Variants in IRAK1BP1 observed in about 807,000 individuals in gnomAD.
The protein encoded by IRAK1BP1 is interleukin-1 receptor-associated kinase 1-binding protein 1.
In IRAK1BP1, 24 loss-of-function variants were observed where a neutral mutation model predicts 28.0. The observed-to-expected ratio is 0.86, with a 90% confidence interval of 0.62 to 1.20. The LOEUF (loss-of-function observed/expected upper bound fraction) is 1.20. IRAK1BP1 is among the 50% of genes most tolerant of loss of function. IRAK1BP1 has a pLI of 0.00. For missense variants in IRAK1BP1, 336 were observed against 316.7 expected (o/e 1.06, Z -0.46); for synonymous variants, 131 against 116.3 (o/e 1.13, Z -0.81).
At chr6:78,949,652 T>C (rs1774028561), downstream of IRAK1BP1, among the ~76,000 whole-genome samples, 3 of 152,032 alleles carry the variant, frequency 2.0e-5, no homozygotes. Context: ...GTGTGGCATG[T>C]GGTAAGCCCC....
the IRAK1BP1 span, among the ~76,000 whole-genome samples, chr6:78,961,358 T>A: frequency 2.0e-5 from 3 of 151,856 alleles, no homozygotes; most frequent in Non-Finnish European, 4.4e-5. Flanking sequence ...TAGGAGAAAA[T>A]GAAATACCTT....
chr6:78,867,939 GT>G, intron 1 of IRAK1BP1, 48 bp downstream of exon 1: 1 of 1,486,262 alleles, frequency 6.7e-7, no homozygotes, highest in Non-Finnish European at 9.0e-7. Flanking sequence ...ACACAAAAGG[GT>G]TGGCAGATGG....
At chr6:78,891,931 T>A (rs1292903997) in intron 2 of IRAK1BP1, among the ~76,000 whole-genome samples, 1 of 152,170 alleles carries the variant, frequency 6.6e-6, no homozygotes, top group East Asian at 1.9e-4. Flanking sequence ...CATCCAATCT[T>A]TTTTATTTAT....
At chr6:78,968,678 C>T in the IRAK1BP1 span, among the ~76,000 whole-genome samples, 1 of 152,312 alleles carries the variant, frequency 6.6e-6, no homozygotes, top group South Asian at 2.1e-4. Context: ...ATACTGCTTG[C>T]TCCTAAGCAA....
intron 4 of IRAK1BP1, chr6:78,940,800 G>GCTC: frequency 6.2e-7 from 1 of 1,613,810 alleles, no homozygotes; most frequent in South Asian, 1.1e-5. Context: ...AGCTGCCTTT[G>GCTC]CTCCTCTTCA....
chr6:78,970,228 G>C, the IRAK1BP1 span: 2 of 1,484,356 alleles, frequency 1.3e-6, no homozygotes, highest in African/African-American at 1.4e-5. Flanking sequence ...CCACAAAATA[G>C]ACTGCTAAAC....
the IRAK1BP1 span, among the ~76,000 whole-genome samples, chr6:78,965,494 C>T: frequency 6.6e-6 from 1 of 152,148 alleles, no homozygotes; most frequent in South Asian, 2.1e-4. Context: ...AAATTAATTT[C>T]AATCAATTCC....
At chr6:78,962,898 T>G in the IRAK1BP1 span, among the ~76,000 whole-genome samples, 1 of 152,148 alleles carries the variant, frequency 6.6e-6, no homozygotes, top group Non-Finnish European at 1.5e-5. Context: ...AAAATTCAGC[T>G]AACATAACCT....
the IRAK1BP1 span, chr6:78,961,624 G>A: frequency 6.5e-7 from 1 of 1,532,032 alleles, no homozygotes; most frequent in South Asian, 1.2e-5. Context: ...CACTGCTAAA[G>A]ATCAGTAAAT....
chr6:78,976,369 T>G, the IRAK1BP1 span, among the ~76,000 whole-genome samples: 55 of 136,322 alleles, frequency 4.0e-4, no homozygotes, highest in African/African-American at 1.3e-3. Flanking sequence ...TATACAAAAA[T>G]CAATTCAAGA....
chr6:78,925,376 G>T (rs945773318), intron 4 of IRAK1BP1, among the ~76,000 whole-genome samples: 2 of 152,060 alleles, frequency 1.3e-5, no homozygotes, highest in East Asian at 3.9e-4. Flanking sequence ...AATGACAAAA[G>T]ACATGAACGG....
intron 1 of IRAK1BP1, among the ~76,000 whole-genome samples, chr6:78,872,486 A>G (rs935555031): frequency 6.6e-6 from 1 of 152,174 alleles, no homozygotes; most frequent in Non-Finnish European, 1.5e-5. Flanking sequence ...ATCCCATCCA[A>G]AATGCTTTAC....
intron 4 of IRAK1BP1, among the ~76,000 whole-genome samples, chr6:78,929,609 A>T (rs923869447): frequency 4.6e-5 from 7 of 152,184 alleles, no homozygotes; most frequent in Admixed American, 4.6e-4. Flanking sequence ...GGATTATAGG[A>T]TCAATTGTAT....
chr6:78,954,722 A>G, the IRAK1BP1 span: 19 of 765,250 alleles, frequency 2.5e-5, no homozygotes, highest in Admixed American at 5.3e-4. Flanking sequence ...GAAATAAACT[A>G]TAATCATAAA....
At chr6:78,972,187 G>A in the IRAK1BP1 span, among the ~76,000 whole-genome samples, 38 of 151,884 alleles carry the variant, frequency 2.5e-4, no homozygotes, top group African/African-American at 7.7e-4. Flanking sequence ...ATATGAGAAC[G>A]GGCAGACTGC....
chr6:78,951,535 GAA>G, the IRAK1BP1 span, among the ~76,000 whole-genome samples: 1 of 152,202 alleles, frequency 6.6e-6, no homozygotes, highest in South Asian at 2.1e-4. Context: ...TAGATTATCC[GAA>G]GTTTTCTTTT....
chr6:78,940,642 C>T (rs1158710540), intron 4 of IRAK1BP1: 26 of 1,077,580 alleles, frequency 2.4e-5, no homozygotes, highest in Admixed American at 2.6e-5. Flanking sequence ...TCTACTTATT[C>T]CTTAACTGTA....
intron 2 of IRAK1BP1, among the ~76,000 whole-genome samples, chr6:78,894,397 C>G (rs554285756): frequency 6.6e-6 from 1 of 152,188 alleles, no homozygotes; most frequent in East Asian, 1.9e-4. Flanking sequence ...AAAGATATGT[C>G]ATGCTAACGT....
At chr6:78,961,569 T>A in the IRAK1BP1 span, 1 of 864,322 alleles carries the variant, frequency 1.2e-6, no homozygotes, top group Non-Finnish European at 1.8e-6. Flanking sequence ...TTTAACATAA[T>A]CCCCATAATC....
Sources: gnomAD v4.1 joint callset for allele counts (sites outside exome capture counted in the v4.1 genomes callset) on GRCh38, gnomAD v4.1.1 for gene constraint, MANE v1.5 for transcripts, NCBI Gene and HGNC (gene_info 2026-07-23, HGNC 2026-07-21) for gene names.